Variants in CDCA2 observed in about 807,000 individuals in gnomAD.
CDCA2 encodes the protein cell division cycle associated 2, also known as cell division cycle-associated protein 2.
In CDCA2, 44 loss-of-function variants were observed where a neutral mutation model predicts 67.0. The ratio of observed to expected loss-of-function variants is 0.66; its 90% CI spans 0.52 to 0.84. CDCA2 has a LOEUF of 0.84. Ranked by LOEUF, CDCA2 falls within the 40% of genes least tolerant of loss-of-function variation. CDCA2 has a pLI of 0.00. For synonymous variants in CDCA2, 447 were observed against 418.7 expected (o/e 1.07, Z -0.82); for missense variants, 1,253 against 1,203.2 (o/e 1.04, Z -0.61).
chr8:25,498,848 A>G (rs1459556664), intron 13 of CDCA2, among the ~76,000 whole-genome samples: 1 of 152,188 alleles, frequency 6.6e-6, no homozygotes, highest in African/African-American at 2.4e-5. Context: ...TTCACTCAGC[A>G]TAATTCTCTG....
chr8:25,483,911 A>T, intron 9 of CDCA2, 55 bp from the exon 10 acceptor site: 2 of 1,470,684 alleles, frequency 1.4e-6, no homozygotes, highest in Non-Finnish European at 1.9e-6. Context: ...TATGCCTTTT[A>T]GATAAGAAAT....
intron 3 of CDCA2, among the ~76,000 whole-genome samples, chr8:25,460,873 GTAA>G (rs1802656426): frequency 6.6e-6 from 1 of 152,156 alleles, no homozygotes; most frequent in Non-Finnish European, 1.5e-5. Flanking sequence ...GATATGAATA[GTAA>G]TAATGCATTT....
At chr8:25,500,268 T>C (rs1804420442) in intron 13 of CDCA2, among the ~76,000 whole-genome samples, 2 of 143,728 alleles carry the variant, frequency 1.4e-5, no homozygotes, top group African/African-American at 5.2e-5. Context: ...TTTTTTTTTT[T>C]CCCCATATAT....
chr8:25,494,684 T>A (rs949747528), intron 13 of CDCA2, among the ~76,000 whole-genome samples: 1 of 152,208 alleles, frequency 6.6e-6, no homozygotes, highest in Non-Finnish European at 1.5e-5. Flanking sequence ...ATGGACTGAA[T>A]TGTGTCCCTT....
Position 25,466,319 on chromosome 8 carries a change from G to A in CDCA2, c.532G>A (p.Asp178Asn). 3 of 1,589,252 alleles carry A rather than the reference G, an allele frequency of 1.9e-6. No individual in the cohort carries two copies. Among genetic ancestry groups the A allele is most frequent in the Non-Finnish European group, 2.6e-6 (3 of 1,172,902 alleles). Residue 178 changes from aspartate (D) to asparagine (N), a missense_variant, in exon 5 of 15, where the codon GAC becomes AAC. Coordinates refer to ENST00000330560, the MANE Select transcript of CDCA2 (RefSeq NM_152562.4). The part of the protein sequence containing the change: ...SEAGKESEMT[D>N]LTRKEGLSAC... ...GGCAGGAAAAGAGTCCGAGATGACA[G>A]ACTTGAGTGAGTAGAAATAATTCGT... is the stretch of plus-strand genomic sequence containing the variant.
Position 25,506,820 on chromosome 8 carries a change from T to C in CDCA2, c.2154T>C (p.Thr718=). 6.2e-7 allele frequency: 1 copy of C among 1,614,060 alleles called. No individual in the cohort carries two copies. The highest frequency in any genetic ancestry group is 8.5e-7 in the Non-Finnish European group (1 of 1,179,998). ...GTCCTGTTTCTTGTGCTTCTGTAACTGAAGAACGTGTGGCATCAGATAGTC... is the reference window on the plus strand; with the variant it reads ...GTCCTGTTTCTTGTGCTTCTGTAACCGAAGAACGTGTGGCATCAGATAGTC... ...TDSPVSCASV[T]EERVASDSPK... Residue 718 remains threonine, a synonymous_variant, in exon 15 of 15, where the codon ACT becomes ACC. Coordinates refer to ENST00000330560, the MANE Select transcript of CDCA2 (RefSeq NM_152562.4).
At position 25,478,884 on chromosome 8, in the gene CDCA2, G is replaced by GTA. The variant is rs1395153332; in HGVS notation, c.821-1028_821-1027insAT. Among the ~76,000 whole-genome samples the GTA allele has an allele frequency of 3.4e-3, 398 of 117,534 alleles. 1 individual carries two copies. Among genetic ancestry groups the GTA allele is most frequent in the Admixed American group, 0.011 (140 of 12,316 alleles). 77.1% of individuals were successfully genotyped at this position (117,534 alleles called of 152,430 possible). On this transcript the variant is annotated intron_variant, in intron 7 of 14. Transcript: ENST00000330560. ...AGCATATATTAACTACTTGTTGTGT[G>GTA]TGTGTATATATATATATATATATAT...
chr8:25,492,847 G>C (rs1011193428), intron 13 of CDCA2, among the ~76,000 whole-genome samples: 1 of 152,234 alleles, frequency 6.6e-6, no homozygotes, highest in Admixed American at 6.5e-5. Context: ...GGTGAAAAGT[G>C]AGTTAAGGTA....
At chr8:25,466,377 C>T (rs1262661966) in intron 5 of CDCA2, 52 bp downstream of exon 5, 1 of 1,469,710 alleles carries the variant, frequency 6.8e-7, no homozygotes, top group African/African-American at 1.4e-5. Flanking sequence ...TAAAGACAAG[C>T]TTCTGAGTTA....
At chr8:25,505,088 C>T (rs561828096) in intron 14 of CDCA2, among the ~76,000 whole-genome samples, 11 of 152,294 alleles carry the variant, frequency 7.2e-5, no homozygotes, top group Admixed American at 5.9e-4. Flanking sequence ...AATTCAGCTC[C>T]TTGCTTCCTT....
chr8:25,506,933 C>T lies in CDCA2; in HGVS notation c.2267C>T (p.Ser756Leu). The change falls in exon 15 of 15, where the codon TCA becomes TTA. Residue 756 changes from serine to leucine, a missense_variant. By Grantham distance (145) the Ser-to-Leu change is moderately radical. Coordinates refer to ENST00000330560, the MANE Select transcript of CDCA2 (RefSeq NM_152562.4). ...AENLCQFFKI[S>L]PDLNIKCERK... ...AACCTTTGTCAGTTCTTTAAAATTT[C>T]ACCAGATTTAAACATAAAGTGTGAA... is the stretch of plus-strand genomic sequence containing the variant. 6.2e-7 allele frequency: 1 copy of T among 1,612,150 alleles called. No homozygotes were observed. Among genetic ancestry groups the T allele is most frequent in the Non-Finnish European group, 8.5e-7 (1 of 1,179,374 alleles).
At position 25,471,753 on chromosome 8, in the gene CDCA2, C is replaced by T. The variant is rs139462499; in HGVS notation, c.820+1773C>T. ...TGATTATAGATTGTATGAAGTGTAGCGATTCACAGTTGTCATCATACTAAA... is the reference window on the plus strand; with the variant it reads ...TGATTATAGATTGTATGAAGTGTAGTGATTCACAGTTGTCATCATACTAAA... On this transcript the variant is annotated intron_variant, in intron 7 of 14. Transcript: ENST00000330560. Among the ~76,000 whole-genome samples the T allele has an allele frequency of 9.9e-5, 15 of 152,244 alleles. No individual in the cohort carries two copies. In the East Asian group the frequency reaches 2.9e-3, roughly 29 times the overall value.
At chr8:25,469,841 G>A (rs1343194544) in intron 6 of CDCA2, 55 bp from the exon 7 acceptor site, 2 of 1,068,470 alleles carry the variant, frequency 1.9e-6, no homozygotes, top group African/African-American at 1.6e-5. Flanking sequence ...CTTCAAAAAG[G>A]CATTAGTAGT....
At position 25,488,574 on chromosome 8, in the gene CDCA2, A is replaced by G. The variant is rs1229646340; in HGVS notation, c.1556A>G (p.Glu519Gly). The G allele has an allele frequency of 1.3e-5, 21 of 1,611,150 alleles. No individual in the cohort carries two copies. The highest frequency in any genetic ancestry group is 1.6e-5 in the Non-Finnish European group (19 of 1,179,146). The change falls in exon 13 of 15, where the codon GAG becomes GGG. Residue 519 changes from glutamate to glycine, a missense_variant. Physicochemically the swap from Glu to Gly is moderately conservative, Grantham distance 98 (BLOSUM62 -2). Transcript: ENST00000330560. ...TAGCAATTGGTCAGTGTTGTAGAAGAGAGTGTTTGCAACTTATTGAATACA... is the reference window on the plus strand; with the variant it reads ...TAGCAATTGGTCAGTGTTGTAGAAGGGAGTGTTTGCAACTTATTGAATACA... ...RRNQLVSVVEESVCNLLNTEV... is the reference protein window; with the variant it reads ...RRNQLVSVVEGSVCNLLNTEV...
intron 13 of CDCA2, 151 bp downstream of exon 13, chr8:25,488,840 G>C: frequency 1.6e-6 from 1 of 616,528 alleles, no homozygotes; most frequent in Non-Finnish European, 2.5e-6. Context: ...GGGGTGGGGG[G>C]GTTATGTACT....
rs772427799 is a variant in CDCA2, at chr8:25,462,034, A to C, written c.233-20A>C. The stretch of plus-strand genomic sequence containing the variant: ...TGATTGCCTTGTTTTGTTCCAATTT[A>C]TAAGAGAGTTTCATTACAGGAAAGT... On this transcript the variant is annotated intron_variant, in intron 3 of 14. Coordinates refer to ENST00000330560, the MANE Select transcript of CDCA2 (RefSeq NM_152562.4). 1.8e-5 allele frequency: 29 copies of C among 1,608,612 alleles called. No homozygotes were observed. Among genetic ancestry groups the C allele is most frequent in the Non-Finnish European group, 2.5e-5 (29 of 1,175,596 alleles).
At chr8:25,461,182 G>A (rs1052789612) in intron 3 of CDCA2, among the ~76,000 whole-genome samples, 4 of 147,966 alleles carry the variant, frequency 2.7e-5, no homozygotes, top group African/African-American at 5.0e-5. Context: ...CAGGAGAATC[G>A]CTTGAACCTG....
chr8:25,467,100 AATCTGCTATATTC>A (rs1325195458), intron 5 of CDCA2, among the ~76,000 whole-genome samples: 1 of 150,080 alleles, frequency 6.7e-6, no homozygotes, highest in Non-Finnish European at 1.5e-5. Context: ...CCAATCTGAT[AATCTGCTATATTC>A]TTTAACTCTT....
chr8:25,465,359 A>C (rs1387436609), intron 4 of CDCA2, among the ~76,000 whole-genome samples: 1 of 146,788 alleles, frequency 6.8e-6, no homozygotes, highest in African/African-American at 2.5e-5. Flanking sequence ...CACAAACTTC[A>C]TATCAGTGGA....
Sources: allele counts gnomAD v4.1 joint callset (sites outside exome capture counted in the v4.1 genomes callset), GRCh38; gene constraint gnomAD v4.1.1; transcripts MANE v1.5; gene names NCBI Gene and HGNC (gene_info 2026-07-23, HGNC 2026-07-21).